AEN: variants seen among roughly 807,000 people sequenced by gnomAD.
AEN encodes apoptosis enhancing nuclease.
AEN carries 21 observed loss-of-function variants against 17.7 expected under a neutral mutation model. That is an observed-to-expected ratio of 1.19 (90% CI 0.84 to 1.71). AEN has a LOEUF of 1.71. Ranked by LOEUF, AEN falls within the 40% of genes most tolerant of loss-of-function variation. AEN has a pLI of 0.00. For synonymous variants in AEN, 190 were observed against 173.0 expected (o/e 1.10, Z -0.77); for missense variants, 462 against 435.9 (o/e 1.06, Z -0.53).
At chr15:88,624,676 G>A (rs983284302) in intron 1 of AEN, among the ~76,000 whole-genome samples, 2 of 152,198 alleles carry the variant, frequency 1.3e-5, no homozygotes, top group South Asian at 4.1e-4. Context: ...CTGAGGTCAG[G>A]AGTTTGAGAC....
upstream of AEN, among the ~76,000 whole-genome samples, chr15:88,619,410 T>G (rs185564514): frequency 1.2e-4 from 19 of 152,118 alleles, no homozygotes; most frequent in East Asian, 3.5e-3. Context: ...CTCTCCTTGG[T>G]TGGGTGTGGT....
At chr15:88,607,926 T>G in the AEN span, among the ~76,000 whole-genome samples, 1 of 152,200 alleles carries the variant, frequency 6.6e-6, no homozygotes, top group Non-Finnish European at 1.5e-5. Context: ...GGTCTGCTTT[T>G]TGTACTTTTC....
intron 1 of AEN, among the ~76,000 whole-genome samples, chr15:88,624,327 T>A (rs151333035): frequency 1.2e-3 from 185 of 151,928 alleles, no homozygotes; most frequent in African/African-American, 4.2e-3. Flanking sequence ...AGGAGGGCTG[T>A]GAGTGGGAAG....
chr15:88,609,265 C>A, the AEN span, among the ~76,000 whole-genome samples: 1 of 152,200 alleles, frequency 6.6e-6, no homozygotes, highest in Non-Finnish European at 1.5e-5. Flanking sequence ...CTTTGATTCC[C>A]TCAAACTCAG....
At chr15:88,619,570 C>G (rs946069766), upstream of AEN, among the ~76,000 whole-genome samples, 1 of 152,166 alleles carries the variant, frequency 6.6e-6, no homozygotes, top group African/African-American at 2.4e-5. Context: ...TGCCTGTAAT[C>G]CCAGCTGTTC....
chr15:88,630,318 G>T lies in AEN; in HGVS notation c.*24G>T. 6.4e-7 allele frequency: 1 copy of T among 1,554,156 alleles called. No individual in the cohort carries two copies. Among genetic ancestry groups the T allele is most frequent in the Non-Finnish European group, 8.7e-7 (1 of 1,147,808 alleles). On this transcript the variant is annotated 3_prime_UTR_variant, in exon 4 of 4. Coordinates refer to ENST00000332810, the MANE Select transcript of AEN (RefSeq NM_022767.4). The surrounding 1 kb of genome is among the most constrained non-coding windows in gnomAD (Gnocchi z 5.1). Reference sequence around the variant, plus strand: ...GAGAAGGGGGCGGGGCTCCCTGGCTGGGCTTCCGGTGTGGCCGGTAGGAAG... The same window carrying T: ...GAGAAGGGGGCGGGGCTCCCTGGCTTGGCTTCCGGTGTGGCCGGTAGGAAG...
rs988323816 is a variant in AEN, at chr15:88,630,358, G to C, written c.*64G>C. 1.3e-5 allele frequency: 19 copies of C among 1,462,628 alleles called. No homozygotes were observed. The African/African-American group carries it at 2.7e-4, about 21-fold the overall frequency. 90.6% of individuals were successfully genotyped at this position (1,462,628 alleles called of 1,614,324 possible). ...CCGGTAGGAAGTGGGGGCCAGGAGA[G>C]CAGCGGGCACTCCTTCCTGGGCAGG... On this transcript the variant is annotated 3_prime_UTR_variant, in exon 4 of 4. Coordinates refer to ENST00000332810, the MANE Select transcript of AEN (RefSeq NM_022767.4). This position sits in a 1 kb window ranked among gnomAD's most constrained non-coding sequence, Gnocchi z 5.1.
chr15:88,630,603 CTGCCCAGGT>C lies in AEN; in HGVS notation c.*314_*322del, dbSNP rs1319561011. 8.1e-6 allele frequency: 3 copies of C among 370,214 alleles called. No homozygotes were observed. The highest frequency in any genetic ancestry group is 1.5e-5 in the Non-Finnish European group (3 of 196,362). 22.9% of individuals were successfully genotyped at this position (370,214 alleles called of 1,614,324 possible). A position where few individuals can be genotyped will look rare whatever the true frequency, so the allele number is the denominator to read the frequency against. ...CAGGAGTAGGGAATGTGCCAACAGA[CTGCCCAGGT>C]TGCCGTGGCCTTCCCCACCCCCCAG... On this transcript the variant is annotated 3_prime_UTR_variant, in exon 4 of 4. Transcript: ENST00000332810. This position sits in a 1 kb window ranked among gnomAD's most constrained non-coding sequence, Gnocchi z 5.1.
At chr15:88,622,846 AAAT>A (rs2057805205) in intron 1 of AEN, among the ~76,000 whole-genome samples, 1 of 152,192 alleles carries the variant, frequency 6.6e-6, no homozygotes, top group Admixed American at 6.5e-5. Context: ...ACTGAGTATA[AAAT>A]AATACAGAAC....
chr15:88,608,049 T>G, the AEN span: 4 of 490,634 alleles, frequency 8.2e-6, no homozygotes, highest in Admixed American at 8.2e-5. Flanking sequence ...ATTCACTTTC[T>G]GCTTATTTTC....
chr15:88,620,764 A>G (rs2057776622), upstream of AEN, among the ~76,000 whole-genome samples: 1 of 152,142 alleles, frequency 6.6e-6, no homozygotes, highest in South Asian at 2.1e-4. Flanking sequence ...TTAGATAAAC[A>G]ACTCAGGATG....
At chr15:88,624,053 C>G (rs1203156245) in intron 1 of AEN, among the ~76,000 whole-genome samples, 2 of 152,244 alleles carry the variant, frequency 1.3e-5, no homozygotes, top group Non-Finnish European at 2.9e-5. Flanking sequence ...TCCAGGAAGC[C>G]TCCAGAGAAT....
Position 88,626,258 on chromosome 15 carries a change from C to T in AEN, c.49C>T (p.Leu17Phe), listed in dbSNP as rs749170954. 3.7e-6 allele frequency: 6 copies of T among 1,612,538 alleles called. No homozygotes were observed. Among genetic ancestry groups the T allele is most frequent in the South Asian group, 2.2e-5 (2 of 90,924 alleles). ...PESAQCLCPS[L>F]TIPNAKDVLR... The stretch of plus-strand genomic sequence containing the variant: ...GTCTGCTCAGTGCCTGTGCCCTTCC[C>T]TCACCATCCCAAATGCCAAGGATGT... Residue 17 changes from leucine (L) to phenylalanine (F), a missense_variant, in exon 2 of 4, where the codon CTC becomes TTC. Coordinates refer to ENST00000332810, the MANE Select transcript of AEN (RefSeq NM_022767.4).
Position 88,630,380 on chromosome 15 carries a change from C to T in AEN, c.*86C>T. 7.7e-7 allele frequency: 1 copy of T among 1,303,568 alleles called. No individual in the cohort carries two copies. Among genetic ancestry groups the T allele is most frequent in the South Asian group, 1.4e-5 (1 of 72,954 alleles). 80.8% of individuals were successfully genotyped at this position (1,303,568 alleles called of 1,614,324 possible). A position where few individuals can be genotyped will look rare whatever the true frequency, so the allele number is the denominator to read the frequency against. On this transcript the variant is annotated 3_prime_UTR_variant, in exon 4 of 4. Transcript: ENST00000332810. This position sits in a 1 kb window ranked among gnomAD's most constrained non-coding sequence, Gnocchi z 5.1. ...AGAGCAGCGGGCACTCCTTCCTGGG[C>T]AGGGTGGGGCAGGATGCAGTGAGCC... is the stretch of plus-strand genomic sequence containing the variant.
intron 1 of AEN, among the ~76,000 whole-genome samples, chr15:88,624,011 T>G (rs1567102399): frequency 1.3e-5 from 2 of 152,262 alleles, no homozygotes; most frequent in African/African-American, 2.4e-5. Context: ...CCTGGAAGGT[T>G]ACTGTTGTAC....
upstream of AEN, chr15:88,621,197 C>T (rs913441276): frequency 1.3e-5 from 2 of 152,318 alleles, no homozygotes; most frequent in African/African-American, 4.8e-5. Context: ...AGGAGTCCCT[C>T]CCCTTCTGCT....
chr15:88,605,884 C>A, the AEN span, among the ~76,000 whole-genome samples: 18 of 152,358 alleles, frequency 1.2e-4, no homozygotes, highest in African/African-American at 4.3e-4. This position sits in a 1 kb window ranked among gnomAD's most constrained non-coding sequence, Gnocchi z 7.6. Context: ...GCTCGGCCTC[C>A]CAGCCCACGC....
intron 1 of AEN, chr15:88,621,955 A>G (rs1419076169): frequency 6.6e-6 from 1 of 152,052 alleles, no homozygotes; most frequent in African/African-American, 2.4e-5. Flanking sequence ...CAGATGTCAT[A>G]TGGTAATTAA....
chr15:88,606,098 G>C, the AEN span, among the ~76,000 whole-genome samples: 2 of 152,216 alleles, frequency 1.3e-5, no homozygotes, highest in Non-Finnish European at 2.9e-5. Context: ...GCAGAGGCAC[G>C]ATTGCAGGCG....
Sources: allele counts gnomAD v4.1 joint callset (sites outside exome capture counted in the v4.1 genomes callset), GRCh38; gene constraint gnomAD v4.1.1; non-coding constraint Gnocchi (gnomAD v3.1); transcripts MANE v1.5; gene names NCBI Gene and HGNC (gene_info 2026-07-23, HGNC 2026-07-21).